The following PDE4D variants were observed in gnomAD, a reference collection of about 807,000 sequenced individuals.
The protein encoded by PDE4D is phosphodiesterase 4D, also known as 3',5'-cyclic-AMP phosphodiesterase 4D.
Under a neutral mutation model 87.4 loss-of-function variants are expected in PDE4D, and 24 were observed. That is an observed-to-expected ratio of 0.27 (90% CI 0.20 to 0.39). The LOEUF (loss-of-function observed/expected upper bound fraction) is 0.39. Ranked by LOEUF, PDE4D falls within the 10% of genes least tolerant of loss-of-function variation. The probability of loss-of-function intolerance (pLI) is 1.00; values close to 1 mark genes in which losing one functional copy is unlikely to be tolerated. For synonymous variants in PDE4D, 384 were observed against 383.2 expected (o/e 1.00, Z -0.02); for missense variants, 714 against 1,041.0 (o/e 0.69, Z 4.32).
chr5:59,794,084 G>A (rs1476845302), intron 1 of PDE4D, among the ~76,000 whole-genome samples: 3 of 149,546 alleles, frequency 2.0e-5, no homozygotes, highest in Non-Finnish European at 3.0e-5. Context: ...TACAGACATG[G>A]ACACAGACAT....
At chr5:60,148,751 T>G (rs1008912438) in intron 2 of PDE4D, among the ~76,000 whole-genome samples, 1 of 152,208 alleles carries the variant, frequency 6.6e-6, no homozygotes, top group Non-Finnish European at 1.5e-5. Context: ...ATTTAGATAA[T>G]GAAAGATAGA....
intron 1 of PDE4D, among the ~76,000 whole-genome samples, chr5:59,673,982 GA>G (rs1286991070): frequency 6.6e-6 from 1 of 151,960 alleles, no homozygotes; most frequent in Non-Finnish European, 1.5e-5. Flanking sequence ...TGAAGTTTTT[GA>G]AACAATTCCA....
Position 59,315,862 on chromosome 5 carries a change from G to A in PDE4D, c.456-99894C>T, listed in dbSNP as rs540687461. ...ACTGGCAAGTCACTGAGCACGCGGC[G>A]ATTAGCCAACAGCTGGCCCAAAAGG... On this transcript the variant is annotated intron_variant, in intron 1 of 14. Transcript: ENST00000340635. Among the ~76,000 whole-genome samples the A allele has an allele frequency of 5.3e-5, 8 of 152,234 alleles. No homozygotes were observed. The East Asian group carries it at 1.2e-3, about 22-fold the overall frequency.
At chr5:60,104,645 A>C (rs1381419378) in intron 2 of PDE4D, among the ~76,000 whole-genome samples, 2 of 152,166 alleles carry the variant, frequency 1.3e-5, no homozygotes, top group African/African-American at 4.8e-5. Context: ...CACACGGCCA[A>C]GTACTCCTCT....
At chr5:59,398,055 C>G (rs1001697634) in intron 1 of PDE4D, among the ~76,000 whole-genome samples, 3 of 139,866 alleles carry the variant, frequency 2.1e-5, no homozygotes, top group African/African-American at 8.2e-5. Context: ...TCTGAATAGA[C>G]CAATAACAGG....
At chr5:60,451,580 A>T (rs982522526) in intron 1 of PDE4D, among the ~76,000 whole-genome samples, 2 of 152,052 alleles carry the variant, frequency 1.3e-5, no homozygotes, top group African/African-American at 2.4e-5. Context: ...CCATTCTTAG[A>T]AGGGATTAAA....
intron 1 of PDE4D, among the ~76,000 whole-genome samples, chr5:60,305,304 A>G (rs556535113): frequency 7.9e-5 from 12 of 152,204 alleles, no homozygotes; most frequent in African/African-American, 2.9e-4. Context: ...ATTTTTTTAA[A>G]GGAAGATTAC....
rs76319718 is a variant in PDE4D at position 59,517,452 on chromosome 5, T to C, written c.456-301484A>G. Among the ~76,000 whole-genome samples, 796 of 152,322 alleles carry C rather than the reference T, an allele frequency of 5.2e-3. 41 individuals are homozygous for C. In the East Asian group the frequency reaches 0.12, roughly 24 times the overall value. ...ACCTTTCAACCTTTGTTTTAGACTC[T>C]AGGATTCGTTTGTCACAGGTTTGCC... On this transcript the variant is annotated intron_variant, in intron 1 of 14. Transcript: ENST00000340635.
chr5:60,197,085 A>ACAGACAGT lies in PDE4D; in HGVS notation c.-89-11399_-89-11398insACTGTCTG, dbSNP rs1285633575. Among the ~76,000 whole-genome samples, 33 of 132,862 alleles carry ACAGACAGT rather than the reference A, an allele frequency of 2.5e-4. 1 individual carries two copies. The highest frequency in any genetic ancestry group is 7.0e-4 in the South Asian group (3 of 4,302). The allele number at this position is 132,862 out of a possible 152,430, so 87.2% of individuals were successfully genotyped here. A position where few individuals can be genotyped will look rare whatever the true frequency, so the allele number is the denominator to read the frequency against. On this transcript the variant is annotated intron_variant, in intron 1 of 16. Transcript: ENST00000502484. ...GATAGATAGATAGACAGTTAGATAG[A>ACAGACAGT]TAGATAGATAGATAGATAGATAGAT...
chr5:60,283,129 G>A (rs944164524), intron 1 of PDE4D, among the ~76,000 whole-genome samples: 9 of 151,966 alleles, frequency 5.9e-5, no homozygotes, highest in Non-Finnish European at 1.3e-4. Context: ...ATAATTATGA[G>A]CAGTATGTAC....
chr5:60,474,125 T>TAC, intron 1 of PDE4D, among the ~76,000 whole-genome samples: 1 of 96,492 alleles, frequency 1.0e-5, no homozygotes, highest in Non-Finnish European at 1.9e-5. Context: ...TATATATATA[T>TAC]ATATATATAT....
At chr5:59,116,747 G>C (rs997562224) in intron 5 of PDE4D, among the ~76,000 whole-genome samples, 1 of 152,144 alleles carries the variant, frequency 6.6e-6, no homozygotes, top group Admixed American at 6.5e-5. Context: ...TGGAAAGCTG[G>C]ATTGCAGGCA....
At chr5:59,191,860 C>T (rs1006852170) in intron 3 of PDE4D, among the ~76,000 whole-genome samples, 5 of 152,086 alleles carry the variant, frequency 3.3e-5, no homozygotes, top group Admixed American at 2.6e-4. Context: ...TACGAGCCAC[C>T]GCACCCGGCC....
At chr5:59,035,069 C>G (rs1455971551) in intron 6 of PDE4D, among the ~76,000 whole-genome samples, 6 of 152,236 alleles carry the variant, frequency 3.9e-5, no homozygotes. Context: ...CGCTGTCCTG[C>G]TCTCCTCTCT....
rs554921143 is a variant in PDE4D, at chr5:60,293,549, A to G, written c.-89-107862T>C. Among the ~76,000 whole-genome samples the G allele has an allele frequency of 2.0e-5, 3 of 152,228 alleles. No individual in the cohort carries two copies. The East Asian group carries it at 5.8e-4, about 29-fold the overall frequency. On this transcript the variant is annotated intron_variant, in intron 1 of 16. Coordinates refer to the PDE4D transcript ENST00000502484. Reference sequence around the variant, plus strand: ...AACAAACAAAAAAAAGATGTAACCCACATCCTTATGATACAGAACATTTCC... The same window carrying G: ...AACAAACAAAAAAAAGATGTAACCCGCATCCTTATGATACAGAACATTTCC...
intron 1 of PDE4D, among the ~76,000 whole-genome samples, chr5:60,243,284 C>T (rs1392848229): frequency 6.6e-6 from 1 of 151,834 alleles, no homozygotes; most frequent in East Asian, 1.9e-4. Context: ...AAATCCAAAC[C>T]CTGAACAGAC....
At chr5:60,098,897 T>G (rs184307960) in intron 2 of PDE4D, among the ~76,000 whole-genome samples, 6 of 152,142 alleles carry the variant, frequency 3.9e-5, no homozygotes, top group South Asian at 4.1e-4. Flanking sequence ...TGATGTTAGC[T>G]ATGGGATTTC....
intron 5 of PDE4D, among the ~76,000 whole-genome samples, chr5:59,116,591 G>A (rs1773655894): frequency 6.6e-6 from 1 of 152,142 alleles, no homozygotes; most frequent in South Asian, 2.1e-4. Flanking sequence ...ATGTGTGTCG[G>A]AAACACCCCT....
chr5:59,053,768 C>T (rs1761954838), intron 5 of PDE4D, among the ~76,000 whole-genome samples: 1 of 149,036 alleles, frequency 6.7e-6, no homozygotes, highest in Non-Finnish European at 1.5e-5. Flanking sequence ...CCAGCCTGGC[C>T]ATCAAAGCAA....
Sources: gnomAD v4.1 joint callset for allele counts (sites outside exome capture counted in the v4.1 genomes callset) on GRCh38, gnomAD v4.1.1 for gene constraint, MANE v1.5 for transcripts, NCBI Gene and HGNC (gene_info 2026-07-23, HGNC 2026-07-21) for gene names.